Variants in PKD1L3 observed in about 807,000 individuals in gnomAD.
PKD1L3 encodes the protein polycystin 1 like 3, transient receptor potential channel interacting, also known as polycystin-1-like protein 3.
PKD1L3 carries 239 observed loss-of-function variants against 184.1 expected under a neutral mutation model. The observed-to-expected ratio is 1.30, with a 90% CI of 1.17 to 1.45. PKD1L3 has a LOEUF of 1.45. Ranked by LOEUF, PKD1L3 falls within the 40% of genes most tolerant of loss-of-function variation. PKD1L3 has a pLI of 0.00. For synonymous variants in PKD1L3, 996 were observed against 778.8 expected (o/e 1.28, Z -4.64); for missense variants, 2,660 against 2,067.2 (o/e 1.29, Z -5.56).
At chr16:71,938,346 A>AG (rs1044344758) in intron 24 of PKD1L3, among the ~76,000 whole-genome samples, 5 of 152,272 alleles carry the variant, frequency 3.3e-5, no homozygotes, top group Non-Finnish European at 4.4e-5. Context: ...AGGGAGGGTA[A>AG]GGGGGGGCTG....
intron 28 of PKD1L3, 41 bp downstream of exon 28, chr16:71,933,379 A>G (rs1296126248): frequency 3.5e-6 from 5 of 1,434,930 alleles, no homozygotes; most frequent in Non-Finnish European, 4.8e-6. Context: ...TTCCTTGTTC[A>G]ATATATTGAA....
intron 6 of PKD1L3, among the ~76,000 whole-genome samples, chr16:71,983,663 C>CTTTTTTTTTT (rs1180950058): frequency 4.0e-5 from 4 of 100,330 alleles, no homozygotes; most frequent in South Asian, 3.0e-4. Context: ...GATTCTCTTT[C>CTTTTTTTTTT]TTTTTTTTTT....
At chr16:71,980,821 C>T (rs967598573) in intron 7 of PKD1L3, among the ~76,000 whole-genome samples, 33 of 152,082 alleles carry the variant, frequency 2.2e-4, no homozygotes, top group Admixed American at 2.2e-3. Context: ...GGCAACAGAG[C>T]GAGACTCTGT....
At chr16:71,990,373 G>C (rs2040541483) in intron 3 of PKD1L3, 44 bp from the exon 4 acceptor site, 6 of 1,457,626 alleles carry the variant, frequency 4.1e-6, no homozygotes, top group African/African-American at 1.4e-5. Context: ...AAAAGCCTAA[G>C]ACAGAAATAT....
chr16:71,999,801 G>T lies in PKD1L3; in HGVS notation c.178C>A (p.His60Asn), dbSNP rs1357641428. 1 of 1,551,526 alleles carries T rather than the reference G, an allele frequency of 6.4e-7. No individual in the cohort carries two copies. The highest frequency in any genetic ancestry group is 1.4e-5 in the African/African-American group (1 of 73,028). Reference sequence around the variant, plus strand: ...TCTTGAACTTCCTTGTTCCAAATATGAGCTAGGAATCCTCTCTGCACATGA... The same window carrying T: ...TCTTGAACTTCCTTGTTCCAAATATTAGCTAGGAATCCTCTCTGCACATGA... ...YCHVQRGFLA[H>N]IWNKEVQDLI... Residue 60 changes from histidine to asparagine, a missense_variant, in exon 1 of 30, where the codon CAT (histidine) becomes AAT (asparagine). Transcript: ENST00000620267.
At chr16:71,987,860 A>G (rs1163945186) in intron 4 of PKD1L3, among the ~76,000 whole-genome samples, 2 of 152,100 alleles carry the variant, frequency 1.3e-5, no homozygotes, top group South Asian at 4.2e-4. Flanking sequence ...CCCATAGGTT[A>G]GTGACGGTAT....
rs953601562 is a variant in PKD1L3 at position 71,953,021 on chromosome 16, T to C, written c.2882A>G (p.Asn961Ser). Reference protein sequence around the residue: ...IHTAVILFPINLVIGRLFPLI... With the variant: ...IHTAVILFPISLVIGRLFPLI... Reference sequence around the variant, plus strand: ...CGGGAAGAGCCGCCCTATGACAAGATTGATTGGGAAGAGGATGACAGCAGT... The same window carrying C: ...CGGGAAGAGCCGCCCTATGACAAGACTGATTGGGAAGAGGATGACAGCAGT... Residue 961 changes from asparagine to serine, a missense_variant, in exon 18 of 30, where the codon AAT becomes AGT. Transcript: ENST00000620267. 15 of 1,548,684 alleles carry C rather than the reference T, an allele frequency of 9.7e-6. No homozygotes were observed. Among genetic ancestry groups the C allele is most frequent in the African/African-American group, 4.1e-5 (3 of 72,758 alleles).
At chr16:71,977,560 CTTTT>C (rs1555523481) in intron 10 of PKD1L3, 93 bp from the exon 11 acceptor site, 431 of 541,452 alleles carry the variant, frequency 8.0e-4, no homozygotes, top group Admixed American at 1.5e-3. Flanking sequence ...CGTCCTAGCT[CTTTT>C]TTTTTTTTTT....
At chr16:71,959,591 T>C (rs1219908270) in intron 16 of PKD1L3, among the ~76,000 whole-genome samples, 1 of 152,096 alleles carries the variant, frequency 6.6e-6, no homozygotes, top group Non-Finnish European at 1.5e-5. Flanking sequence ...ACATGGGAAT[T>C]GGGAGAGAGG....
intron 22 of PKD1L3, 33 bp from the exon 23 acceptor site, chr16:71,944,203 G>T: frequency 6.6e-7 from 1 of 1,519,600 alleles, no homozygotes; most frequent in Non-Finnish European, 8.9e-7. Context: ...CCAAAGAAAT[G>T]TTATATTTCA....
intron 10 of PKD1L3, 90 bp from the exon 11 acceptor site, chr16:71,977,557 G>GGTTTT: frequency 4.5e-6 from 3 of 671,602 alleles, no homozygotes; most frequent in Non-Finnish European, 2.2e-6. Context: ...AAACGTCCTA[G>GGTTTT]CTCTTTTTTT....
At chr16:71,935,567 G>A (rs1485849447) in intron 25 of PKD1L3, 49 bp from the exon 26 acceptor site, 1 of 1,514,402 alleles carries the variant, frequency 6.6e-7, no homozygotes, top group Non-Finnish European at 8.9e-7. Flanking sequence ...AGATTAGCTA[G>A]GTCTCTCCCT....
intron 2 of PKD1L3, among the ~76,000 whole-genome samples, chr16:71,997,220 T>G (rs1402067151): frequency 6.6e-6 from 1 of 152,180 alleles, no homozygotes; most frequent in Non-Finnish European, 1.5e-5. Context: ...TAGTTTTACG[T>G]GAGCACAGGT....
chr16:71,929,823 T>C, intron 29 of PKD1L3, 145 bp from the exon 30 acceptor site: 1 of 971,888 alleles, frequency 1.0e-6, no homozygotes, highest in Non-Finnish European at 1.5e-6. Context: ...CATTGGAGTG[T>C]TTCCACTAAT....
At chr16:71,943,903 C>T (rs2038458625) in intron 23 of PKD1L3, 127 bp downstream of exon 23, 1 of 1,174,282 alleles carries the variant, frequency 8.5e-7, no homozygotes. Context: ...AATCCCAAAT[C>T]TCACAGGGTG....
intron 25 of PKD1L3, among the ~76,000 whole-genome samples, chr16:71,936,535 T>C (rs964011170): frequency 6.6e-6 from 1 of 150,684 alleles, no homozygotes; most frequent in Admixed American, 6.6e-5. Flanking sequence ...TTTTTTTTTT[T>C]TGAGATGCAG....
chr16:71,961,933 T>C (rs963278189), intron 16 of PKD1L3, among the ~76,000 whole-genome samples: 3 of 152,218 alleles, frequency 2.0e-5, no homozygotes, highest in Admixed American at 6.5e-5. Flanking sequence ...GGCATTTTAA[T>C]GTAAGGACGT....
chr16:71,935,161 G>C (rs1241964865), intron 26 of PKD1L3, among the ~76,000 whole-genome samples, 197 bp downstream of exon 26: 1 of 152,246 alleles, frequency 6.6e-6, no homozygotes, highest in African/African-American at 2.4e-5. Context: ...AGGCAGAAGA[G>C]CTCTTCAATG....
Position 71,999,905 on chromosome 16 carries a change from C to T in PKD1L3, c.74G>A (p.Ser25Asn). ...ATTATTTTGCCCATGTGGTGCTGGG[C>T]TGTTTAGCTCACTTCCTAGAATAAT... is the stretch of plus-strand genomic sequence containing the variant. The part of the protein sequence containing the change: ...TSIILGSELN[S>N]PAPHGQNNCY... The change falls in exon 1 of 30, where the codon AGC becomes AAC. Residue 25 changes from serine to asparagine, a missense_variant. Coordinates refer to ENST00000620267, the MANE Select transcript of PKD1L3 (RefSeq NM_181536.2). 6.4e-7 allele frequency: 1 copy of T among 1,551,652 alleles called. No homozygotes were observed. The highest frequency in any genetic ancestry group is 1.4e-5 in the African/African-American group (1 of 73,168).
Sources: allele counts gnomAD v4.1 joint callset (sites outside exome capture counted in the v4.1 genomes callset), GRCh38; gene constraint gnomAD v4.1.1; transcripts MANE v1.5; gene names NCBI Gene and HGNC (gene_info 2026-07-23, HGNC 2026-07-21).